Variants in PDE12 observed in about 807,000 individuals in gnomAD.
The protein encoded by PDE12 is phosphodiesterase 12.
PDE12 carries 26 observed loss-of-function variants against 45.4 expected under a neutral mutation model. The ratio of observed to expected loss-of-function variants is 0.57; its 90% CI spans 0.42 to 0.79. The LOEUF (loss-of-function observed/expected upper bound fraction) is 0.79, where lower values mean the gene tolerates loss of function less well. Among genes scored for constraint, PDE12 ranks in the 30% least tolerant of loss-of-function variants. PDE12 has a pLI of 0.00. For synonymous variants in PDE12, 283 were observed against 323.9 expected (o/e 0.87, Z 1.36); for missense variants, 668 against 790.0 (o/e 0.85, Z 1.85).
the PDE12 span, among the ~76,000 whole-genome samples, chr3:57,643,959 G>A: frequency 6.6e-6 from 1 of 151,592 alleles, no homozygotes; most frequent in Admixed American, 6.6e-5. Flanking sequence ...GACCAGTCTG[G>A]CCAATATAGT....
chr3:57,654,489 G>A, the PDE12 span: 1 of 378,810 alleles, frequency 2.6e-6, no homozygotes, highest in Non-Finnish European at 3.6e-6. Context: ...AGTCACAATA[G>A]GGAACAGGGG....
At chr3:57,612,221 T>C in the PDE12 span, among the ~76,000 whole-genome samples, 79 of 116,862 alleles carry the variant, frequency 6.8e-4, 1 homozygote, top group South Asian at 2.4e-3. Flanking sequence ...AAGGGGAACA[T>C]CACACACCAG....
chr3:57,595,763 A>G, the PDE12 span, among the ~76,000 whole-genome samples: 2 of 152,234 alleles, frequency 1.3e-5, no homozygotes, highest in South Asian at 4.1e-4. Flanking sequence ...AGACTGGCCA[A>G]CGTGGTGAAA....
the PDE12 span, among the ~76,000 whole-genome samples, chr3:57,609,156 A>G: frequency 3.3e-5 from 5 of 152,194 alleles, no homozygotes; most frequent in Admixed American, 3.3e-4. Context: ...AGCAAAATGA[A>G]GGCAGAAATA....
chr3:57,574,323 A>G, the PDE12 span, among the ~76,000 whole-genome samples: 2 of 152,222 alleles, frequency 1.3e-5, no homozygotes, highest in African/African-American at 4.8e-5. Context: ...AAACTACTGT[A>G]AAAAGCCTAT....
the PDE12 span, among the ~76,000 whole-genome samples, chr3:57,629,678 ATTT>A: frequency 7.3e-6 from 1 of 136,486 alleles, no homozygotes; most frequent in Non-Finnish European, 1.6e-5. Flanking sequence ...CGCCCGGCTA[ATTT>A]TTTTTTTTTT....
chr3:57,644,231 G>A, the PDE12 span, among the ~76,000 whole-genome samples: 3 of 151,866 alleles, frequency 2.0e-5, no homozygotes, highest in South Asian at 2.1e-4. Context: ...TAAGGGATTC[G>A]TAGAGAAAAG....
chr3:57,560,324 T>C lies in PDE12; in HGVS notation c.*320T>C. The C allele has an allele frequency of 9.3e-7, 1 of 1,072,402 alleles. No homozygotes were observed. The highest frequency in any genetic ancestry group is 1.7e-5 in the African/African-American group (1 of 59,168). The allele number at this position is 1,072,402 out of a possible 1,614,324, so 66.4% of individuals were successfully genotyped here. On this transcript the variant is annotated 3_prime_UTR_variant, in exon 3 of 3. Coordinates refer to ENST00000311180, the MANE Select transcript of PDE12 (RefSeq NM_177966.7). ...CGTGTTTTTTGTTTGTTTGTTTTTG[T>C]TTTTGTTTTTGTTTTTTTGAGATGG...
the PDE12 span, among the ~76,000 whole-genome samples, chr3:57,604,628 GGT>G: frequency 1.3e-4 from 7 of 52,332 alleles, no homozygotes; most frequent in Admixed American, 2.6e-4. Context: ...GGGGGGGGTG[GGT>G]GGGACAGAGT....
At chr3:57,592,817 G>A in the PDE12 span, among the ~76,000 whole-genome samples, 2 of 152,148 alleles carry the variant, frequency 1.3e-5, no homozygotes, top group Non-Finnish European at 2.9e-5. Context: ...CCAATAACCT[G>A]AGAAAATGCT....
chr3:57,574,408 A>AT, the PDE12 span, among the ~76,000 whole-genome samples: 49,163 of 145,288 alleles, frequency 0.34, 8,323 homozygotes, highest in East Asian at 0.55. Context: ...AGAAGTACAA[A>AT]TTTTTTTTTT....
In PDE12 at chr3:57,559,860, C is replaced by T; in HGVS notation, c.1686C>T (p.Tyr562=). ...YVGGFHGCLD[Y]IFIDLNALEV... ...GTGGCTTTCATGGATGTCTAGATTA[C>T]ATTTTCATTGACTTAAATGCTTTAG... The change falls in exon 3 of 3, where the codon TAC becomes TAT. Residue 562 remains tyrosine (Y), a synonymous_variant. Coordinates refer to ENST00000311180, the MANE Select transcript of PDE12 (RefSeq NM_177966.7). 2.5e-6 allele frequency: 4 copies of T among 1,614,148 alleles called. No individual in the cohort carries two copies. Among genetic ancestry groups the T allele is most frequent in the Non-Finnish European group, 3.4e-6 (4 of 1,180,020 alleles).
the PDE12 span, among the ~76,000 whole-genome samples, chr3:57,631,792 G>A: frequency 3.0e-5 from 4 of 133,416 alleles, no homozygotes; most frequent in East Asian, 6.8e-4. Flanking sequence ...GCGCTATCCC[G>A]GCTCACTGCA....
the PDE12 span, among the ~76,000 whole-genome samples, chr3:57,618,096 CA>C: frequency 1.8e-4 from 27 of 152,010 alleles, no homozygotes; most frequent in African/African-American, 6.0e-4. Context: ...TACACACAGA[CA>C]CAAAGATGGG....
At chr3:57,589,196 A>T in the PDE12 span, among the ~76,000 whole-genome samples, 3,655 of 152,136 alleles carry the variant, frequency 0.024, 67 homozygotes, top group Non-Finnish European at 0.035. Flanking sequence ...TGACCCCAGG[A>T]GGTCAAGGCT....
At chr3:57,600,955 A>C in the PDE12 span, 1 of 152,308 alleles carries the variant, frequency 6.6e-6, no homozygotes, top group African/African-American at 2.4e-5. Flanking sequence ...AAATGAGGAA[A>C]TTGAGCCCTA....
At chr3:57,644,519 G>C in the PDE12 span, among the ~76,000 whole-genome samples, 1 of 150,798 alleles carries the variant, frequency 6.6e-6, no homozygotes. Context: ...TGTTGCCCAG[G>C]CTGGTCTCTA....
chr3:57,574,429 G>GTTTT, the PDE12 span, among the ~76,000 whole-genome samples: 18 of 121,246 alleles, frequency 1.5e-4, no homozygotes, highest in African/African-American at 5.1e-4. Context: ...TTTTTTTAAA[G>GTTTT]AAACAGTCTT....
At chr3:57,604,000 C>T in the PDE12 span, among the ~76,000 whole-genome samples, 331 of 151,058 alleles carry the variant, frequency 2.2e-3, 1 homozygote, top group Non-Finnish European at 3.3e-3. Flanking sequence ...CCTCAGCTTA[C>T]TGCAGCCTCT....
Sources: gnomAD v4.1 joint callset for allele counts (sites outside exome capture counted in the v4.1 genomes callset) on GRCh38, gnomAD v4.1.1 for gene constraint, MANE v1.5 for transcripts, NCBI Gene and HGNC (gene_info 2026-07-23, HGNC 2026-07-21) for gene names.